WDR70: variants seen among roughly 807,000 people sequenced by gnomAD.
The protein encoded by WDR70 is WD repeat-containing protein 70.
WDR70 carries 53 observed loss-of-function variants against 88.6 expected under a neutral mutation model. That is an observed-to-expected ratio of 0.60 (90% CI 0.48 to 0.75). The LOEUF (loss-of-function observed/expected upper bound fraction) is 0.75, where lower values mean the gene tolerates loss of function less well. WDR70 is among the 30% of genes least tolerant of loss of function. The pLI is 0.00. For missense variants in WDR70, 610 were observed against 823.2 expected (o/e 0.74, Z 3.17); for synonymous variants, 280 against 270.0 (o/e 1.04, Z -0.36).
intron 10 of WDR70, among the ~76,000 whole-genome samples, chr5:37,618,896 G>T (rs1424137114): frequency 2.0e-5 from 3 of 152,158 alleles, no homozygotes; most frequent in African/African-American, 7.2e-5. Context: ...AGACATAAAG[G>T]TAAATTCCTG....
At chr5:37,419,186 A>G (rs1291450984) in intron 5 of WDR70, among the ~76,000 whole-genome samples, 3 of 149,354 alleles carry the variant, frequency 2.0e-5, no homozygotes, top group Non-Finnish European at 3.0e-5. Flanking sequence ...TGTTTAACTC[A>G]TGTTTCATTT....
chr5:37,718,124 C>G (rs1747704542), intron 13 of WDR70, among the ~76,000 whole-genome samples: 1 of 152,148 alleles, frequency 6.6e-6, no homozygotes, highest in Non-Finnish European at 1.5e-5. Context: ...GGTAAATATG[C>G]TTCTCTGTAA....
intron 6 of WDR70, among the ~76,000 whole-genome samples, chr5:37,439,504 A>T (rs1457475197): frequency 6.6e-6 from 1 of 152,148 alleles, no homozygotes; most frequent in Non-Finnish European, 1.5e-5. Context: ...GTTTGATTTA[A>T]ATATTCCTTT....
In WDR70 at chr5:37,403,103, C is replaced by A. The variant is rs538887326; in HGVS notation, c.492+6533C>A. 3.9e-5 allele frequency among the ~76,000 whole-genome samples: 6 copies of A among 151,928 alleles called. No homozygotes were observed. In the East Asian group the frequency reaches 1.2e-3, roughly 29 times the overall value. ...CTGGGATTACAGGTGTGCACCACCA[C>A]GCCTGGCTAATTTTTTGTATTTTTA... On this transcript the variant is annotated intron_variant, in intron 5 of 17. Transcript: ENST00000265107.
chr5:37,742,421 T>C (rs1748511061), intron 17 of WDR70, among the ~76,000 whole-genome samples: 2 of 152,144 alleles, frequency 1.3e-5, no homozygotes, highest in African/African-American at 2.4e-5. Context: ...TTCAAGTTCT[T>C]TGCCCATTTA....
intron 10 of WDR70, among the ~76,000 whole-genome samples, chr5:37,616,766 C>T (rs1744355959): frequency 6.6e-6 from 1 of 152,070 alleles, no homozygotes; most frequent in Non-Finnish European, 1.5e-5. Context: ...TCTCTGTGCC[C>T]AAGATGAGCA....
chr5:37,751,523 AAGC>A (rs1220329764), intron 17 of WDR70, among the ~76,000 whole-genome samples: 2 of 152,256 alleles, frequency 1.3e-5, no homozygotes. Flanking sequence ...GATAATAAAA[AAGC>A]AGCAAGAGGG....
chr5:37,589,163 G>C lies in WDR70; in HGVS notation c.918-15901G>C, dbSNP rs540646926. On this transcript the variant is annotated intron_variant, in intron 9 of 17. Coordinates refer to ENST00000265107, the MANE Select transcript of WDR70 (RefSeq NM_018034.4). Reference sequence around the variant, plus strand: ...CTGCCTCAGCCTCACAAGTAGTTGGGTTTATAGGTGTGAACCACTGTGCCC... The same window carrying C: ...CTGCCTCAGCCTCACAAGTAGTTGGCTTTATAGGTGTGAACCACTGTGCCC... 2.0e-5 allele frequency among the ~76,000 whole-genome samples: 3 copies of C among 151,836 alleles called. No individual in the cohort carries two copies. In the South Asian group the frequency reaches 6.2e-4, roughly 32 times the overall value.
chr5:37,472,449 A>T (rs1357543089), intron 7 of WDR70, among the ~76,000 whole-genome samples: 2 of 152,042 alleles, frequency 1.3e-5, no homozygotes, highest in African/African-American at 4.8e-5. Flanking sequence ...ATTTCATTGC[A>T]TGAATATACC....
intron 8 of WDR70, among the ~76,000 whole-genome samples, chr5:37,511,139 A>G (rs935411969): frequency 6.6e-6 from 1 of 152,204 alleles, no homozygotes; most frequent in African/African-American, 2.4e-5. Context: ...CAATTTTAGC[A>G]TCTATTGATG....
At chr5:37,597,602 G>A (rs1743741852) in intron 9 of WDR70, among the ~76,000 whole-genome samples, 1 of 152,126 alleles carries the variant, frequency 6.6e-6, no homozygotes, top group Admixed American at 6.5e-5. Context: ...TAACACAAGC[G>A]TGGGTTTTTA....
At chr5:37,454,230 G>GC (rs1203166104) in intron 7 of WDR70, among the ~76,000 whole-genome samples, 1 of 152,058 alleles carries the variant, frequency 6.6e-6, no homozygotes, top group Non-Finnish European at 1.5e-5. Flanking sequence ...TCAGTTCAGG[G>GC]CAAGTAAGGA....
chr5:37,424,917 G>T lies in WDR70; in HGVS notation c.493-13005G>T, dbSNP rs182912783. Among the ~76,000 whole-genome samples the T allele has an allele frequency of 8.5e-5, 13 of 152,226 alleles. No homozygotes were observed. In the East Asian group the frequency reaches 2.3e-3, roughly 27 times the overall value. ...GAACAAAACAGACAAAAAAAATCTTGCTTTTATGGAACTTGCATTCTAATA... is the reference window on the plus strand; with the variant it reads ...GAACAAAACAGACAAAAAAAATCTTTCTTTTATGGAACTTGCATTCTAATA... On this transcript the variant is annotated intron_variant, in intron 5 of 17. Coordinates refer to ENST00000265107, the MANE Select transcript of WDR70 (RefSeq NM_018034.4).
intron 9 of WDR70, among the ~76,000 whole-genome samples, chr5:37,591,678 A>AT (rs1283859000): frequency 6.6e-6 from 1 of 152,224 alleles, no homozygotes; most frequent in Non-Finnish European, 1.5e-5. Flanking sequence ...ACTCCAACTT[A>AT]TTTTATAAGG....
chr5:37,705,249 A>G (rs1747288753), intron 13 of WDR70, among the ~76,000 whole-genome samples: 1 of 152,134 alleles, frequency 6.6e-6, no homozygotes, highest in Admixed American at 6.5e-5. Flanking sequence ...TTGATTGCTG[A>G]TGAGTTTGAT....
Position 37,644,999 on chromosome 5 carries a change from A to G in WDR70, c.1092+39761A>G, listed in dbSNP as rs572053535. On this transcript the variant is annotated intron_variant, in intron 10 of 17. Transcript: ENST00000265107. ...TTTATTTATTTCTGCTCTGATCTTT[A>G]TTATTTCTTTTCTACTAGTTTTGGG... Among the ~76,000 whole-genome samples, 36 of 151,218 alleles carry G rather than the reference A, an allele frequency of 2.4e-4. No individual in the cohort carries two copies. The South Asian group carries it at 6.9e-3, about 29-fold the overall frequency.
intron 4 of WDR70, among the ~76,000 whole-genome samples, chr5:37,393,273 C>A (rs1017708742): frequency 1.2e-4 from 18 of 152,092 alleles, no homozygotes; most frequent in Admixed American, 7.9e-4. Flanking sequence ...AACTCCTGAC[C>A]TTGTGATCCA....
chr5:37,679,013 G>A (rs1175945904), intron 10 of WDR70, among the ~76,000 whole-genome samples: 1 of 152,142 alleles, frequency 6.6e-6, no homozygotes, highest in East Asian at 1.9e-4. Flanking sequence ...CTTTCTTCCA[G>A]TTGATCACAT....
At chr5:37,717,797 A>G (rs1747692841) in intron 13 of WDR70, among the ~76,000 whole-genome samples, 2 of 152,200 alleles carry the variant, frequency 1.3e-5, no homozygotes, top group Admixed American at 1.3e-4. Context: ...TGACAGGATA[A>G]AATGTGGAGC....
Sources: gnomAD v4.1 joint callset for allele counts (sites outside exome capture counted in the v4.1 genomes callset) on GRCh38, gnomAD v4.1.1 for gene constraint, MANE v1.5 for transcripts, NCBI Gene and HGNC (gene_info 2026-07-23, HGNC 2026-07-21) for gene names.